The following ABL1 variants were observed in gnomAD, a reference collection of about 807,000 sequenced individuals.
ABL1 encodes tyrosine-protein kinase ABL1.
Under a neutral mutation model 94.7 loss-of-function variants are expected in ABL1, and 11 were observed. The ratio of observed to expected loss-of-function variants is 0.12; its 90% confidence interval spans 0.07 to 0.19. ABL1 has a LOEUF of 0.19. Among genes scored for constraint, ABL1 ranks in the 10% least tolerant of loss-of-function variants. ABL1 has a pLI of 1.00. For missense variants in ABL1, 1,082 were observed against 1,489.4 expected (o/e 0.73, Z 4.50); for synonymous variants, 656 against 622.4 (o/e 1.05, Z -0.80).
chr9:130,731,028 A>G (rs35100931), intron 1 of ABL1, among the ~76,000 whole-genome samples: 2,424 of 83,478 alleles, frequency 0.029, 32 homozygotes, highest in African/African-American at 0.039. Flanking sequence ...TTTTTTTGAG[A>G]CAGAGTCTTG....
chr9:130,862,922 A>G lies in ABL1; in HGVS notation c.709A>G (p.Met237Val), dbSNP rs376578298. ...GTCCCCCAACTACGACAAGTGGGAGATGGAACGCACGGACATCACCATGAA... is the reference window on the plus strand; with the variant it reads ...GTCCCCCAACTACGACAAGTGGGAGGTGGAACGCACGGACATCACCATGAA... The part of the protein sequence containing the change: ...GVSPNYDKWE[M>V]ERTDITMKHK... Residue 237 changes from methionine (M) to valine (V), a missense_variant, in exon 4 of 11, where the codon ATG becomes GTG. Transcript: ENST00000318560. This position sits in a 1 kb window ranked among gnomAD's most constrained non-coding sequence, Gnocchi z 5.5. The G allele has an allele frequency of 1.9e-6, 3 of 1,614,010 alleles. No individual in the cohort carries two copies. The highest frequency in any genetic ancestry group is 2.5e-6 in the Non-Finnish European group (3 of 1,180,032).
rs34272860 is a variant in ABL1 at position 130,884,845 on chromosome 9, C to T, written c.2555C>T (p.Thr852Ile). ...ACCCCTGCTGCAGCTGAGCCAGTGA[C>T]CCCCACCAGCAAAGCAGGCTCAGGT... Reference protein sequence around the residue: ...LGTPAAAEPVTPTSKAGSGAP... With the variant: ...LGTPAAAEPVIPTSKAGSGAP... Residue 852 changes from threonine to isoleucine, a missense_variant, in exon 11 of 11, where the codon ACC (threonine) becomes ATC (isoleucine). Physicochemically the swap from Thr to Ile is moderately conservative, Grantham distance 89. Transcript: ENST00000318560. The surrounding 1 kb of genome is among the most constrained non-coding windows in gnomAD (Gnocchi z 5.6). The T allele has an allele frequency of 6.2e-7, 1 of 1,605,314 alleles. No individual in the cohort carries two copies. Among genetic ancestry groups the T allele is most frequent in the East Asian group, 2.2e-5 (1 of 44,750 alleles).
At chr9:130,796,676 A>G (rs1040936170) in intron 1 of ABL1, among the ~76,000 whole-genome samples, 1 of 152,156 alleles carries the variant, frequency 6.6e-6, no homozygotes, top group Non-Finnish European at 1.5e-5. Context: ...TCTCTTGACT[A>G]TGACATAGTC....
chr9:130,773,733 A>G (rs1832280484), intron 1 of ABL1, among the ~76,000 whole-genome samples: 2 of 146,932 alleles, frequency 1.4e-5, no homozygotes, highest in South Asian at 4.2e-4. Context: ...CTTCTGTTTC[A>G]GCCTCCCAAA....
At chr9:130,800,026 C>G (rs1427844299) in intron 1 of ABL1, among the ~76,000 whole-genome samples, 2 of 152,016 alleles carry the variant, frequency 1.3e-5, no homozygotes, top group African/African-American at 2.4e-5. Context: ...GCACCTGTCA[C>G]CAGGCCTGGC....
At position 130,886,693 on chromosome 9, in the gene ABL1, G is replaced by A. The variant is rs368094264; in HGVS notation, c.*1010G>A. The A allele has an allele frequency of 2.1e-5, 5 of 233,550 alleles. No individual in the cohort carries two copies. The East Asian group carries it at 3.0e-4, about 14-fold the overall frequency. 14.5% of individuals were successfully genotyped at this position (233,550 alleles called of 1,614,324 possible). On this transcript the variant is annotated 3_prime_UTR_variant, in exon 11 of 11. Coordinates refer to ENST00000318560, the MANE Select transcript of ABL1 (RefSeq NM_005157.6). ...CCCTCCCCCACTCCTCTAAGACAAAGTAGATTCTTACAAGGCCCTTTCCTT... is the reference window on the plus strand; with the variant it reads ...CCCTCCCCCACTCCTCTAAGACAAAATAGATTCTTACAAGGCCCTTTCCTT...
chr9:130,772,067 T>G (rs942144951), intron 1 of ABL1, among the ~76,000 whole-genome samples: 1 of 152,160 alleles, frequency 6.6e-6, no homozygotes. Context: ...AGTTGGTGTT[T>G]TTAAAAAATG....
rs565225962 is a variant in ABL1 at position 130,886,212 on chromosome 9, A to G, written c.*529A>G. Reference sequence around the variant, plus strand: ...TCAAGAACCGCATTTCGGGAAGGGCATGCACGGGCATGCACACGGCTGGTC... The same window carrying G: ...TCAAGAACCGCATTTCGGGAAGGGCGTGCACGGGCATGCACACGGCTGGTC... On this transcript the variant is annotated 3_prime_UTR_variant, in exon 11 of 11. Transcript: ENST00000318560. 4 of 239,586 alleles carry G rather than the reference A, an allele frequency of 1.7e-5. No homozygotes were observed. The highest frequency in any genetic ancestry group is 4.4e-5 in the African/African-American group (2 of 45,522). The allele number at this position is 239,586 out of a possible 1,614,324, so 14.8% of individuals were successfully genotyped here.
At chr9:130,849,489 G>A (rs1208252409) in intron 1 of ABL1, among the ~76,000 whole-genome samples, 1 of 152,056 alleles carries the variant, frequency 6.6e-6, no homozygotes, top group Non-Finnish European at 1.5e-5. Context: ...TTATTATCAA[G>A]CGTTCACACA....
intron 1 of ABL1, among the ~76,000 whole-genome samples, chr9:130,743,229 T>C (rs2791732): frequency 0.2 from 30,027 of 152,130 alleles, 3,543 homozygotes; most frequent in Middle Eastern, 0.39. Context: ...TGCGCCACCA[T>C]GCCCGGCTAA....
At chr9:130,769,185 A>G (rs1455490304) in intron 1 of ABL1, among the ~76,000 whole-genome samples, 1 of 152,194 alleles carries the variant, frequency 6.6e-6, no homozygotes, top group African/African-American at 2.4e-5. Flanking sequence ...CTATTATAAA[A>G]GGTAGTTATA....
In ABL1 at chr9:130,745,457, T is replaced by C. The variant is rs554328050; in HGVS notation, c.136+31002T>C. On this transcript the variant is annotated intron_variant, in intron 1 of 10. Coordinates refer to the ABL1 transcript ENST00000372348. ...ATAATAGAGCGCCTGCTGTTTGATT[T>C]TCAGTTTTCTGTAGAAGGAAAAAAA... 3.1e-3 allele frequency among the ~76,000 whole-genome samples: 470 copies of C among 151,660 alleles called. 3 individuals carry two copies. The highest frequency in any genetic ancestry group is 6.8e-3 in the Middle Eastern group (2 of 294).
intron 1 of ABL1, among the ~76,000 whole-genome samples, chr9:130,729,887 C>T (rs1189953374): frequency 2.7e-5 from 4 of 150,028 alleles, no homozygotes; most frequent in African/African-American, 9.8e-5. Flanking sequence ...AGGCATGCAC[C>T]ACCACACCAG....
intron 1 of ABL1, among the ~76,000 whole-genome samples, chr9:130,760,810 G>A (rs556158077): frequency 1.4e-4 from 19 of 132,350 alleles, no homozygotes; most frequent in African/African-American, 5.4e-4. Flanking sequence ...CTACAGGCAC[G>A]GGCCACAACA....
Position 130,862,750 on chromosome 9 carries a change from C to T in ABL1, c.550-13C>T, listed in dbSNP as rs1360127646. ...GTCTCTGTGGGCTGAAGGCTGTTCCCTGTTTCCTTCAGCTCTACGTCTCCT... is the reference window on the plus strand; with the variant it reads ...GTCTCTGTGGGCTGAAGGCTGTTCCTTGTTTCCTTCAGCTCTACGTCTCCT... On this transcript the variant is annotated splice_polypyrimidine_tract_variant and intron_variant, in intron 3 of 10. Coordinates refer to ENST00000318560, the MANE Select transcript of ABL1 (RefSeq NM_005157.6). This position sits in a 1 kb window ranked among gnomAD's most constrained non-coding sequence, Gnocchi z 5.5. The T allele has an allele frequency of 6.2e-7, 1 of 1,611,582 alleles. No individual in the cohort carries two copies. The highest frequency in any genetic ancestry group is 1.7e-5 in the Admixed American group (1 of 59,904).
Position 130,884,689 on chromosome 9 carries a change from A to G in ABL1, c.2399A>G (p.Asp800Gly), listed in dbSNP as rs1321322843. Residue 800 changes from aspartate (D) to glycine (G), a missense_variant, in exon 11 of 11, where the codon GAC becomes GGC. Physicochemically the swap from Asp to Gly is moderately conservative, Grantham distance 94. Around this residue, in one of 7 missense-constraint regions of ABL1, gnomAD observed 780 missense variants for 835.8 expected, o/e 0.93. Coordinates refer to ENST00000318560, the MANE Select transcript of ABL1 (RefSeq NM_005157.6). This position sits in a 1 kb window ranked among gnomAD's most constrained non-coding sequence, Gnocchi z 5.6. Reference sequence around the variant, plus strand: ...GAAGCTGCTGATGAGGTCTTCAAAGACATCATGGAGTCCAGCCCGGGCTCC... The same window carrying G: ...GAAGCTGCTGATGAGGTCTTCAAAGGCATCATGGAGTCCAGCCCGGGCTCC... ...NEEAADEVFK[D>G]IMESSPGSSP... 6.2e-7 allele frequency: 1 copy of G among 1,612,730 alleles called. No individual in the cohort carries two copies. The highest frequency in any genetic ancestry group is 8.5e-7 in the Non-Finnish European group (1 of 1,179,978).
chr9:130,761,017 G>A (rs1432654166), intron 1 of ABL1, among the ~76,000 whole-genome samples: 1 of 140,442 alleles, frequency 7.1e-6, no homozygotes, highest in South Asian at 2.2e-4. Context: ...GTGCAATCTC[G>A]GCTCACTGCA....
At chr9:130,749,603 G>T (rs959431303) in intron 1 of ABL1, among the ~76,000 whole-genome samples, 1 of 152,148 alleles carries the variant, frequency 6.6e-6, no homozygotes, top group African/African-American at 2.4e-5. Context: ...TTAAAGCCAC[G>T]TGATCTTGTA....
chr9:130,744,835 C>T lies in ABL1; in HGVS notation c.136+30380C>T, dbSNP rs767953942. On this transcript the variant is annotated intron_variant, in intron 1 of 10. Transcript: ENST00000372348. ...TCGCACCACTGCACTCCAGCCTGGG[C>T]GACAGAGTGAGACTCCGTCTCAAAA... 3.0e-3 allele frequency among the ~76,000 whole-genome samples: 426 copies of T among 140,694 alleles called. 2 individuals are homozygous for T. Among genetic ancestry groups the T allele is most frequent in the Non-Finnish European group, 2.5e-3 (166 of 65,958 alleles). 92.3% of individuals were successfully genotyped at this position (140,694 alleles called of 152,430 possible). A position where few individuals can be genotyped will look rare whatever the true frequency, so the allele number is the denominator to read the frequency against.
Sources: gnomAD v4.1 joint callset for allele counts (sites outside exome capture counted in the v4.1 genomes callset) on GRCh38, gnomAD v4.1.1 for gene constraint, gnomAD v4.1.1 regional missense constraint, Gnocchi (gnomAD v3.1) non-coding constraint, MANE v1.5 for transcripts, NCBI Gene and HGNC (gene_info 2026-07-23, HGNC 2026-07-21) for gene names.